The following RIMS2 variants were observed in gnomAD, a reference collection of about 807,000 sequenced individuals.
RIMS2 encodes regulating synaptic membrane exocytosis 2.
A neutral mutation model predicts 174.4 loss-of-function variants in RIMS2; 59 were observed. The ratio of observed to expected loss-of-function variants is 0.34; its 90% confidence interval spans 0.27 to 0.42. RIMS2 has a LOEUF of 0.42. Among genes scored for constraint, RIMS2 ranks in the 10% least tolerant of loss-of-function variants. The probability of loss-of-function intolerance (pLI) is 1.00; values close to 1 mark genes in which losing one functional copy is unlikely to be tolerated. For synonymous variants in RIMS2, 606 were observed against 572.5 expected (o/e 1.06, Z -0.84); for missense variants, 1,620 against 1,666.3 (o/e 0.97, Z 0.48).
chr8:103,682,923 G>T (rs978721554), intron 1 of RIMS2, among the ~76,000 whole-genome samples: 6 of 152,114 alleles, frequency 3.9e-5, no homozygotes, highest in Non-Finnish European at 5.9e-5. Context: ...TCTTATGTAA[G>T]AGAGTTTTAA....
intron 2 of RIMS2, among the ~76,000 whole-genome samples, chr8:103,751,002 A>T (rs1287985606): frequency 6.6e-6 from 1 of 152,030 alleles, no homozygotes; most frequent in African/African-American, 2.4e-5. Flanking sequence ...GTCTCAAGAG[A>T]TCTGATGGTT....
intron 19 of RIMS2, chr8:104,041,325 GA>G: frequency 1.4e-6 from 1 of 698,118 alleles, no homozygotes; most frequent in South Asian, 1.5e-5. Flanking sequence ...TGTGATCACA[GA>G]AGAACTGGAC....
At chr8:103,564,435 A>G (rs1563798295) in intron 1 of RIMS2, among the ~76,000 whole-genome samples, 1 of 152,168 alleles carries the variant, frequency 6.6e-6, no homozygotes, top group Non-Finnish European at 1.5e-5. Context: ...TAATCACAAG[A>G]TGAAGTCCCA....
chr8:103,521,451 CTTAT>C (rs891558572), intron 1 of RIMS2, among the ~76,000 whole-genome samples: 5 of 151,666 alleles, frequency 3.3e-5, no homozygotes, highest in South Asian at 4.2e-4. Context: ...TTATATTTTG[CTTAT>C]TTATTATAAT....
intron 19 of RIMS2, among the ~76,000 whole-genome samples, chr8:104,074,992 T>C (rs1412596819): frequency 1.3e-5 from 2 of 152,176 alleles, no homozygotes; most frequent in Non-Finnish European, 2.9e-5. Context: ...AGATATAATG[T>C]AGACATGAAG....
intron 1 of RIMS2, among the ~76,000 whole-genome samples, chr8:103,515,512 T>C (rs1227998679): frequency 1.3e-5 from 2 of 152,142 alleles, no homozygotes; most frequent in Non-Finnish European, 2.9e-5. Flanking sequence ...ACAACAAACT[T>C]AGGTATGGAA....
chr8:104,252,319 C>T (rs1459693360), downstream of RIMS2: 1 of 162,626 alleles, frequency 6.1e-6, no homozygotes, highest in African/African-American at 2.4e-5. Context: ...CAGCCCTCCT[C>T]TGGGCGGGAA....
chr8:104,078,332 T>C (rs2097340691), intron 19 of RIMS2, among the ~76,000 whole-genome samples: 1 of 152,140 alleles, frequency 6.6e-6, no homozygotes. Flanking sequence ...ATAGAAGGGG[T>C]GGCTTAAAGA....
chr8:103,895,173 G>GTTT (rs571241543), intron 4 of RIMS2, among the ~76,000 whole-genome samples: 11 of 137,934 alleles, frequency 8.0e-5, no homozygotes, highest in African/African-American at 2.4e-4. Flanking sequence ...CTTTGACAAG[G>GTTT]TTTTTTTTTT....
rs549117401 is a variant in RIMS2 at position 104,243,701 on chromosome 8, A to G, written c.3335-1215A>G. ...ACTTTGTCTCAAAAAAAAAGAACTTATTAATACCAGCCACTAAAAGAGCTA... is the reference window on the plus strand; with the variant it reads ...ACTTTGTCTCAAAAAAAAAGAACTTGTTAATACCAGCCACTAAAAGAGCTA... On this transcript the variant is annotated intron_variant, in intron 19 of 23. Coordinates refer to ENST00000504942, the Ensembl canonical transcript of RIMS2. 4.6e-5 allele frequency among the ~76,000 whole-genome samples: 7 copies of G among 152,308 alleles called. No individual in the cohort carries two copies. In the South Asian group the frequency reaches 1.2e-3, roughly 27 times the overall value.
intron 1 of RIMS2, among the ~76,000 whole-genome samples, chr8:103,543,933 AT>A (rs1249843025): frequency 6.6e-6 from 1 of 152,210 alleles, no homozygotes; most frequent in Non-Finnish European, 1.5e-5. Flanking sequence ...CTGTGCAATG[AT>A]TTTTTTAGAT....
At chr8:103,931,155 A>T in intron 11 of RIMS2, 108 bp from the exon 14 acceptor site, 1 of 761,654 alleles carries the variant, frequency 1.3e-6, no homozygotes, top group Non-Finnish European at 2.1e-6. Flanking sequence ...TAAAGTTTAT[A>T]TTCTGTGCTA....
intron 19 of RIMS2, among the ~76,000 whole-genome samples, chr8:104,117,390 C>CT (rs879749283): frequency 7.5e-4 from 107 of 142,986 alleles, no homozygotes; most frequent in African/African-American, 1.5e-3. Flanking sequence ...AATAAATTTC[C>CT]TTTTTTTTTT....
chr8:103,565,722 T>C (rs1262743916), intron 1 of RIMS2, among the ~76,000 whole-genome samples: 2 of 152,190 alleles, frequency 1.3e-5, no homozygotes, highest in African/African-American at 4.8e-5. Context: ...TTAATATTGG[T>C]GCTGTAGTCT....
At chr8:103,662,119 T>C (rs2096608542) in intron 1 of RIMS2, among the ~76,000 whole-genome samples, 1 of 152,218 alleles carries the variant, frequency 6.6e-6, no homozygotes, top group Non-Finnish European at 1.5e-5. Context: ...CCAAAAATCT[T>C]ATAATACTTT....
chr8:104,022,390 G>GTT (rs71297248), intron 19 of RIMS2, among the ~76,000 whole-genome samples: 6 of 151,332 alleles, frequency 4.0e-5, no homozygotes, highest in Admixed American at 2.6e-4. Context: ...CTCTTTTTTT[G>GTT]TTTTTTTTAA....
At chr8:103,741,066 G>A (rs886658977) in intron 2 of RIMS2, among the ~76,000 whole-genome samples, 9 of 151,796 alleles carry the variant, frequency 5.9e-5, no homozygotes, top group African/African-American at 1.9e-4. Flanking sequence ...ATTTCTATTG[G>A]ATTGAGTTTA....
chr8:103,809,104 C>T (rs2098669752), intron 3 of RIMS2, among the ~76,000 whole-genome samples: 1 of 152,052 alleles, frequency 6.6e-6, no homozygotes, highest in South Asian at 2.1e-4. Context: ...TTGATTTCTC[C>T]CTGAATTGGC....
intron 11 of RIMS2, among the ~76,000 whole-genome samples, chr8:103,929,249 T>C (rs2079399505): frequency 6.6e-6 from 1 of 151,750 alleles, no homozygotes; most frequent in Non-Finnish European, 1.5e-5. Flanking sequence ...TAGTAACTGA[T>C]AATATTCAGG....
Sources: allele counts gnomAD v4.1 joint callset (sites outside exome capture counted in the v4.1 genomes callset), GRCh38; gene constraint gnomAD v4.1.1; transcripts MANE v1.5; gene names NCBI Gene and HGNC (gene_info 2026-07-23, HGNC 2026-07-21).